CDK6: variants seen among roughly 807,000 people sequenced by gnomAD.
CDK6 encodes the protein cyclin dependent kinase 6.
In CDK6, 6 loss-of-function variants were observed where a neutral mutation model predicts 37.1. The observed-to-expected ratio is 0.16, with a 90% CI of 0.09 to 0.32. CDK6 has a LOEUF of 0.32. CDK6 is among the 10% of genes least tolerant of loss of function. CDK6 has a pLI of 1.00. For synonymous variants in CDK6, 160 were observed against 161.3 expected, an observed-to-expected ratio of 0.99 and a Z score of 0.06; for missense variants, 224 against 418.9, an observed-to-expected ratio of 0.53 and a Z score of 4.06.
At position 92,643,981 on chromosome 7, in the gene CDK6, C is replaced by T. The variant is rs75777683; in HGVS notation, c.648-20895G>A. ...GATGATGAAAGAAAAGAAATGGGCC[C>T]AGAGGGACCTAAGGAAACCAGGCCA... On this transcript the variant is annotated intron_variant, in intron 5 of 7. Coordinates refer to ENST00000424848, the MANE Select transcript of CDK6 (RefSeq NM_001145306.2). 2.6e-5 allele frequency among the ~76,000 whole-genome samples: 4 copies of T among 152,234 alleles called. No individual in the cohort carries two copies. The East Asian group carries it at 5.8e-4, about 22-fold the overall frequency.
intron 4 of CDK6, among the ~76,000 whole-genome samples, chr7:92,678,643 A>C (rs538497717): frequency 6.6e-6 from 1 of 152,176 alleles, no homozygotes; most frequent in African/African-American, 2.4e-5. Context: ...CCTTTCACCA[A>C]GGTCTTGAAA....
intron 4 of CDK6, among the ~76,000 whole-genome samples, chr7:92,672,307 T>C (rs1431675647): frequency 6.8e-6 from 1 of 146,268 alleles, no homozygotes; most frequent in Non-Finnish European, 1.5e-5. Context: ...ACCCAGGACA[T>C]GTCAAAACTG....
At chr7:92,720,141 C>G (rs1040733106) in intron 4 of CDK6, among the ~76,000 whole-genome samples, 2 of 152,178 alleles carry the variant, frequency 1.3e-5, no homozygotes, top group African/African-American at 4.8e-5. Flanking sequence ...GTGTTCCTCA[C>G]TGTGTCAAAA....
chr7:92,628,300 C>T (rs966018568), intron 5 of CDK6, among the ~76,000 whole-genome samples: 7 of 151,968 alleles, frequency 4.6e-5, no homozygotes, highest in African/African-American at 1.2e-4. Flanking sequence ...AAAAAAAACC[C>T]GACAACATTG....
In CDK6 at chr7:92,605,887, C is replaced by T; in HGVS notation, c.*9253G>A. The T allele has an allele frequency of 4.3e-6, 1 of 233,630 alleles. No homozygotes were observed. Among genetic ancestry groups the T allele is most frequent in the Non-Finnish European group, 8.5e-6 (1 of 118,034 alleles). The allele number at this position is 233,630 out of a possible 1,614,324, so 14.5% of individuals were successfully genotyped here. ...ACTGTGGTAACTCTCAATCTGTGTA[C>T]AGAGAAAAGAGAAGCAACATCTGAT... On this transcript the variant is annotated 3_prime_UTR_variant, in exon 8 of 8. Coordinates refer to ENST00000424848, the MANE Select transcript of CDK6 (RefSeq NM_001145306.2).
At chr7:92,780,260 C>T (rs1004094647) in intron 2 of CDK6, among the ~76,000 whole-genome samples, 1 of 152,224 alleles carries the variant, frequency 6.6e-6, no homozygotes, top group African/African-American at 2.4e-5. Context: ...GCGTGAGCCA[C>T]TGTGCCCGGC....
intron 3 of CDK6, among the ~76,000 whole-genome samples, chr7:92,772,288 T>C (rs1199886425): frequency 6.6e-6 from 1 of 152,170 alleles, no homozygotes. Flanking sequence ...ACCACTAACA[T>C]GTAAGTTAAC....
At chr7:92,749,489 A>G (rs1449908821) in intron 3 of CDK6, among the ~76,000 whole-genome samples, 6 of 152,184 alleles carry the variant, frequency 3.9e-5, no homozygotes, top group African/African-American at 1.4e-4. Context: ...ACCAAAAACC[A>G]AAACCAAACA....
intron 5 of CDK6, among the ~76,000 whole-genome samples, chr7:92,628,558 G>C (rs1795982376): frequency 6.6e-6 from 1 of 152,052 alleles, no homozygotes; most frequent in African/African-American, 2.4e-5. Flanking sequence ...CTGCAAGAAG[G>C]CTTTCTGTCC....
At chr7:92,655,983 C>T (rs531773477) in intron 5 of CDK6, among the ~76,000 whole-genome samples, 1 of 152,262 alleles carries the variant, frequency 6.6e-6, no homozygotes, top group African/African-American at 2.4e-5. Flanking sequence ...AAAACTGGAG[C>T]AATAAATCAC....
intron 4 of CDK6, chr7:92,725,170 T>A (rs1209760305): frequency 1.0e-6 from 1 of 985,324 alleles, no homozygotes; most frequent in East Asian, 1.1e-4. Flanking sequence ...ATTTCTTCTT[T>A]ACAGCTGGCA....
At chr7:92,756,956 T>G (rs761540766) in intron 3 of CDK6, among the ~76,000 whole-genome samples, 24 of 152,132 alleles carry the variant, frequency 1.6e-4, no homozygotes, top group Middle Eastern at 3.2e-3. Flanking sequence ...TTTAAAATGT[T>G]TCTAACCCAG....
chr7:92,672,600 A>AG (rs1423279087), intron 4 of CDK6, among the ~76,000 whole-genome samples: 25 of 143,360 alleles, frequency 1.7e-4, no homozygotes, highest in Admixed American at 9.7e-4. Flanking sequence ...TTGAGTACAT[A>AG]GGGGGGGTTC....
intron 4 of CDK6, among the ~76,000 whole-genome samples, chr7:92,687,232 C>A (rs919692487): frequency 6.6e-6 from 1 of 152,214 alleles, no homozygotes; most frequent in African/African-American, 2.4e-5. Flanking sequence ...TTGCTGACAT[C>A]TGGTGTGACC....
chr7:92,725,252 CAGGT>C, intron 4 of CDK6: 1 of 985,442 alleles, frequency 1.0e-6, no homozygotes, highest in Non-Finnish European at 1.2e-6. Context: ...ATGCTGCAGA[CAGGT>C]CAACGTTGCT....
At chr7:92,775,923 TTATTA>T (rs1183883699) in intron 2 of CDK6, among the ~76,000 whole-genome samples, 1 of 152,140 alleles carries the variant, frequency 6.6e-6, no homozygotes, top group African/African-American at 2.4e-5. Context: ...TTAATTTTTT[TTATTA>T]TATTTTAAGT....
At chr7:92,700,531 A>G (rs1797819315) in intron 4 of CDK6, among the ~76,000 whole-genome samples, 1 of 152,254 alleles carries the variant, frequency 6.6e-6, no homozygotes, top group South Asian at 2.1e-4. Context: ...TGGTGAGGCC[A>G]TCAGCCTGAA....
intron 2 of CDK6, among the ~76,000 whole-genome samples, chr7:92,779,837 G>A (rs570096591): frequency 3.3e-4 from 51 of 152,240 alleles, no homozygotes; most frequent in African/African-American, 1.2e-3. Context: ...TGAATCAATG[G>A]TTGTAAACAT....
intron 2 of CDK6, among the ~76,000 whole-genome samples, chr7:92,803,908 T>C (rs1188791211): frequency 6.6e-6 from 1 of 151,976 alleles, no homozygotes; most frequent in Admixed American, 6.6e-5. Context: ...TCTGGATGAG[T>C]AGAAAAAGAA....
Sources: gnomAD v4.1 joint callset for allele counts (sites outside exome capture counted in the v4.1 genomes callset) on GRCh38, gnomAD v4.1.1 for gene constraint, MANE v1.5 for transcripts, NCBI Gene and HGNC (gene_info 2026-07-23, HGNC 2026-07-21) for gene names.